The following NTNG1 variants were observed in gnomAD, a reference collection of about 807,000 sequenced individuals.
NTNG1 encodes the protein netrin-G1.
Under a neutral mutation model 54.0 loss-of-function variants are expected in NTNG1, and 16 were observed. The ratio of observed to expected loss-of-function variants is 0.30; its 90% confidence interval spans 0.20 to 0.45. The LOEUF is 0.45. NTNG1 is among the 20% of genes least tolerant of loss of function. NTNG1 has a pLI of 1.00. For missense variants in NTNG1, 530 were observed against 678.7 expected (o/e 0.78, Z 2.43); for synonymous variants, 255 against 263.1 (o/e 0.97, Z 0.30).
intron 4 of NTNG1, among the ~76,000 whole-genome samples, chr1:107,400,005 A>C (rs960164174): frequency 6.6e-6 from 1 of 152,084 alleles, no homozygotes; most frequent in African/African-American, 2.4e-5. Context: ...TTTTTTCTTG[A>C]CATTCTAGCC....
intron 2 of NTNG1, among the ~76,000 whole-genome samples, chr1:107,304,257 C>T (rs958807331): frequency 6.6e-6 from 1 of 151,174 alleles, no homozygotes; most frequent in Non-Finnish European, 1.5e-5. Flanking sequence ...ATATGAATTG[C>T]CTTTTCATTT....
intron 2 of NTNG1, among the ~76,000 whole-genome samples, chr1:107,235,375 G>T (rs1429423233): frequency 6.6e-6 from 1 of 152,128 alleles, no homozygotes; most frequent in Non-Finnish European, 1.5e-5. Context: ...AAAGAGAAAT[G>T]ACCTACATCT....
At chr1:107,320,892 C>T (rs922643314) in intron 2 of NTNG1, among the ~76,000 whole-genome samples, 4 of 151,330 alleles carry the variant, frequency 2.6e-5, no homozygotes, top group Non-Finnish European at 5.9e-5. Flanking sequence ...TGTAGATTCT[C>T]ATTTGAAATG....
chr1:107,196,829 T>G (rs1658373777), intron 2 of NTNG1, among the ~76,000 whole-genome samples: 1 of 151,968 alleles, frequency 6.6e-6, no homozygotes, highest in Admixed American at 6.6e-5. Flanking sequence ...TTATGGATGA[T>G]CTGTGTCTTT....
At chr1:107,297,740 A>G (rs1279687468) in intron 2 of NTNG1, among the ~76,000 whole-genome samples, 1 of 152,188 alleles carries the variant, frequency 6.6e-6, no homozygotes, top group Non-Finnish European at 1.5e-5. Flanking sequence ...AATCTCAAAG[A>G]TGAAAAACAC....
intron 2 of NTNG1, among the ~76,000 whole-genome samples, chr1:107,318,884 T>A (rs989447236): frequency 2.6e-5 from 4 of 152,166 alleles, no homozygotes; most frequent in African/African-American, 9.7e-5. Context: ...CTGCCCTTTT[T>A]GTCCTGAGGG....
intron 2 of NTNG1, among the ~76,000 whole-genome samples, chr1:107,161,435 A>T (rs1249571584): frequency 6.6e-6 from 1 of 152,018 alleles, no homozygotes; most frequent in East Asian, 1.9e-4. Context: ...CTGAGGCAGG[A>T]GGATTACTTG....
chr1:107,420,927 G>A (rs183545339), intron 5 of NTNG1, among the ~76,000 whole-genome samples: 19 of 152,088 alleles, frequency 1.2e-4, no homozygotes, highest in Admixed American at 1.2e-3. Flanking sequence ...CCAAATACAA[G>A]CCTTACTTTG....
chr1:107,342,098 C>T (rs1322434611), intron 3 of NTNG1, among the ~76,000 whole-genome samples: 1 of 151,924 alleles, frequency 6.6e-6, no homozygotes, highest in Non-Finnish European at 1.5e-5. Context: ...GTTTAGTAGT[C>T]GTATTTTATA....
At chr1:107,330,059 A>G (rs553662722) in intron 3 of NTNG1, among the ~76,000 whole-genome samples, 117 of 152,222 alleles carry the variant, frequency 7.7e-4, no homozygotes, top group African/African-American at 2.7e-3. Flanking sequence ...TATGGGTTTT[A>G]TTGTGCCAAG....
At chr1:107,437,694 T>A (rs1302643442) in intron 7 of NTNG1, among the ~76,000 whole-genome samples, 1 of 152,184 alleles carries the variant, frequency 6.6e-6, no homozygotes, top group African/African-American at 2.4e-5. Flanking sequence ...GATAAATTAA[T>A]TTTAATAACT....
chr1:107,238,558 T>C (rs1019468641), intron 2 of NTNG1, among the ~76,000 whole-genome samples: 9 of 152,152 alleles, frequency 5.9e-5, no homozygotes, highest in African/African-American at 2.2e-4. Flanking sequence ...ATTTCCCACA[T>C]GTTGTGGGAG....
intron 3 of NTNG1, among the ~76,000 whole-genome samples, chr1:107,345,998 A>G (rs886583163): frequency 2.0e-5 from 3 of 152,200 alleles, no homozygotes; most frequent in African/African-American, 7.2e-5. Flanking sequence ...AGTTACATCA[A>G]CCAGCAACAC....
rs555508796 is a variant in NTNG1 at position 107,376,071 on chromosome 1, C to T, written c.888-19083C>T. Among the ~76,000 whole-genome samples, 3 of 152,312 alleles carry T rather than the reference C, an allele frequency of 2.0e-5. No homozygotes were observed. The South Asian group carries it at 6.2e-4, about 32-fold the overall frequency. ...TTGAGCACTTATATTGTGTTAGGAA[C>T]TCCTATAAGCACTTTACTCTTATTG... On this transcript the variant is annotated intron_variant, in intron 3 of 7. Transcript: ENST00000370068.
intron 2 of NTNG1, among the ~76,000 whole-genome samples, chr1:107,280,412 C>T (rs1196570319): frequency 4.0e-5 from 6 of 151,656 alleles, no homozygotes; most frequent in Non-Finnish European, 8.8e-5. Flanking sequence ...TTGAGTTTCT[C>T]CTGTATTATT....
intron 3 of NTNG1, among the ~76,000 whole-genome samples, chr1:107,389,829 C>T (rs908812926): frequency 3.3e-5 from 5 of 152,128 alleles, no homozygotes; most frequent in East Asian, 1.9e-4. Flanking sequence ...AGAGCCTTTT[C>T]GGTCTCCACT....
At chr1:107,414,656 G>GTAACTGTT (rs1674077679) in intron 5 of NTNG1, among the ~76,000 whole-genome samples, 1 of 152,112 alleles carries the variant, frequency 6.6e-6, no homozygotes, top group Admixed American at 6.6e-5. Context: ...CTTCGAGTCA[G>GTAACTGTT]TAACTGTTTA....
chr1:107,460,387 A>C (rs564397751), intron 7 of NTNG1: 6 of 518,876 alleles, frequency 1.2e-5, no homozygotes, highest in Non-Finnish European at 1.9e-5. Context: ...GAGCCCTCAC[A>C]GATAATATTT....
Position 107,429,324 on chromosome 1 carries a change from C to T in NTNG1, c.1088-1426C>T, listed in dbSNP as rs114280838. On this transcript the variant is annotated intron_variant, in intron 5 of 7. Transcript: ENST00000370068. ...TAGCTCTCTAACAAATGAATATGAACTTTTCTGATGAGTGGTAGCATATTA... is the reference window on the plus strand; with the variant it reads ...TAGCTCTCTAACAAATGAATATGAATTTTTCTGATGAGTGGTAGCATATTA... Among the ~76,000 whole-genome samples the T allele has an allele frequency of 5.8e-3, 881 of 152,196 alleles. 13 individuals carry two copies. The highest frequency in any genetic ancestry group is 0.02 in the African/African-American group (842 of 41,532).
Sources: gnomAD v4.1 joint callset for allele counts (sites outside exome capture counted in the v4.1 genomes callset) on GRCh38, gnomAD v4.1.1 for gene constraint, MANE v1.5 for transcripts, NCBI Gene and HGNC (gene_info 2026-07-23, HGNC 2026-07-21) for gene names.